The following SGK3 variants were observed in gnomAD, a reference collection of about 807,000 sequenced individuals.
SGK3 encodes serine/threonine-protein kinase Sgk3.
Under a neutral mutation model 68.5 loss-of-function variants are expected in SGK3, and 47 were observed. The observed-to-expected ratio is 0.69, with a 90% CI of 0.54 to 0.87. SGK3 has a LOEUF of 0.87. Among genes scored for constraint, SGK3 ranks in the 40% least tolerant of loss-of-function variants. SGK3 has a pLI of 0.00. For synonymous variants in SGK3, 181 were observed against 189.1 expected (o/e 0.96, Z 0.35); for missense variants, 479 against 575.5 (o/e 0.83, Z 1.72).
At chr8:66,807,981 GA>G (rs967567718) in intron 4 of SGK3, among the ~76,000 whole-genome samples, 1 of 150,956 alleles carries the variant, frequency 6.6e-6, no homozygotes, top group Non-Finnish European at 1.5e-5. Flanking sequence ...CCATTAAATG[GA>G]AAAAAAAATC....
At chr8:66,731,338 C>T (rs1041061228) in intron 1 of SGK3, among the ~76,000 whole-genome samples, 6 of 152,114 alleles carry the variant, frequency 3.9e-5, no homozygotes, top group African/African-American at 1.4e-4. Context: ...TGTTGATCTT[C>T]TGTCTAGTTA....
intron 1 of SGK3, among the ~76,000 whole-genome samples, chr8:66,728,462 G>A (rs1040044850): frequency 2.6e-5 from 4 of 151,982 alleles, no homozygotes; most frequent in Admixed American, 6.6e-5. Context: ...AAGTCACTGG[G>A]ATTATAGGTA....
At chr8:66,796,824 C>G (rs1213498116) in intron 2 of SGK3, among the ~76,000 whole-genome samples, 1 of 151,900 alleles carries the variant, frequency 6.6e-6, no homozygotes, top group Non-Finnish European at 1.5e-5. Flanking sequence ...AAGGAACTTT[C>G]ATTATACAGG....
In SGK3 at chr8:66,806,768, C is replaced by T. The variant is rs555464857; in HGVS notation, c.253+2321C>T. On this transcript the variant is annotated intron_variant, in intron 4 of 16. Transcript: ENST00000521198. ...TCGGAGGTTGCAGGTGAGCCAAGAT[C>T]GCACCATTGCACTCCAGCCTGGGCA... 7.4e-5 allele frequency among the ~76,000 whole-genome samples: 11 copies of T among 149,012 alleles called. No homozygotes were observed. In the South Asian group the frequency reaches 8.4e-4, roughly 11 times the overall value.
chr8:66,747,075 T>G (rs969073299), intron 1 of SGK3, among the ~76,000 whole-genome samples: 52 of 146,450 alleles, frequency 3.6e-4, no homozygotes, highest in Middle Eastern at 3.4e-3. Flanking sequence ...AAAAAAAGGG[T>G]TTTTTTTCCC....
chr8:66,817,396 A>G (rs1435156628), intron 5 of SGK3, among the ~76,000 whole-genome samples: 1 of 151,296 alleles, frequency 6.6e-6, no homozygotes, highest in Non-Finnish European at 1.5e-5. Context: ...GTGCCACTGC[A>G]CTCCAGCCTG....
chr8:66,742,359 A>G (rs921933157), intron 1 of SGK3, among the ~76,000 whole-genome samples: 1 of 152,034 alleles, frequency 6.6e-6, no homozygotes, highest in African/African-American at 2.4e-5. Context: ...ATATTTCTCC[A>G]TTAATTTTTT....
At chr8:66,751,483 T>G (rs1339352260) in intron 1 of SGK3, among the ~76,000 whole-genome samples, 1 of 152,164 alleles carries the variant, frequency 6.6e-6, no homozygotes, top group East Asian at 1.9e-4. Context: ...AAGTACTTTT[T>G]TAATATCATG....
intron 2 of SGK3, among the ~76,000 whole-genome samples, chr8:66,797,649 T>G (rs894008398): frequency 1.3e-5 from 2 of 152,236 alleles, no homozygotes; most frequent in South Asian, 2.1e-4. Flanking sequence ...GGATAAATTC[T>G]TATTAATAGT....
chr8:66,819,268 G>T (rs1410429919), intron 5 of SGK3, among the ~76,000 whole-genome samples: 1 of 152,124 alleles, frequency 6.6e-6, no homozygotes, highest in Non-Finnish European at 1.5e-5. Context: ...TTCATATACT[G>T]CTAGAAGAGT....
chr8:66,829,702 C>A (rs959279971), intron 7 of SGK3, among the ~76,000 whole-genome samples: 27 of 152,084 alleles, frequency 1.8e-4, no homozygotes, highest in Non-Finnish European at 3.1e-4. Flanking sequence ...CACAAGAGAA[C>A]TAGAGGAGAG....
At chr8:66,842,202 ATTTCTTTTCTT>A (rs1809823331) in intron 13 of SGK3, among the ~76,000 whole-genome samples, 1 of 146,022 alleles carries the variant, frequency 6.8e-6, no homozygotes, top group South Asian at 2.1e-4. Flanking sequence ...ATATTTTGCC[ATTTCTTTTCTT>A]TTTCTTTTCC....
intron 5 of SGK3, among the ~76,000 whole-genome samples, chr8:66,821,673 C>T (rs1422951306): frequency 4.1e-5 from 5 of 122,018 alleles, no homozygotes; most frequent in African/African-American, 9.3e-5. Flanking sequence ...CCACCACGCC[C>T]GGCTATTTTT....
chr8:66,800,995 A>G (rs574643882), intron 3 of SGK3, among the ~76,000 whole-genome samples: 6 of 152,252 alleles, frequency 3.9e-5, no homozygotes, highest in African/African-American at 4.8e-5. Flanking sequence ...CAAAACACCT[A>G]TAATGTTGCT....
Position 66,831,454 on chromosome 8 carries a change from C to T in SGK3, c.525+143C>T. The T allele has an allele frequency of 9.4e-6, 9 of 962,042 alleles. No individual in the cohort carries two copies. In the South Asian group the frequency reaches 1.4e-4, roughly 15 times the overall value. The allele number at this position is 962,042 out of a possible 1,614,324, so 59.6% of individuals were successfully genotyped here. ...TCCTGGGCTCAAGCCATCCTCCCAC[C>T]TCAGCCTCCCGAGTAGCTGGGACTA... is the stretch of plus-strand genomic sequence containing the variant. On this transcript the variant is annotated intron_variant, in intron 8 of 16. Transcript: ENST00000521198.
chr8:66,817,600 C>T (rs946690442), intron 5 of SGK3, among the ~76,000 whole-genome samples: 1 of 151,932 alleles, frequency 6.6e-6, no homozygotes, highest in Admixed American at 6.6e-5. Flanking sequence ...TTATCTCCCC[C>T]CTCGGCCTCC....
At position 66,843,528 on chromosome 8, in the gene SGK3, A is replaced by T. The variant is rs1327261422; in HGVS notation, c.1055A>T (p.Tyr352Phe). Residue 352 changes from tyrosine to phenylalanine, a missense_variant, in exon 14 of 17, where the codon TAT (tyrosine) becomes TTT (phenylalanine). By Grantham distance (22) the Tyr-to-Phe change is conservative. Around this residue, in one of 3 missense-constraint regions of SGK3, gnomAD observed 173 missense variants for 214.3 expected, o/e 0.81. Coordinates refer to ENST00000521198, the MANE Select transcript of SGK3 (RefSeq NM_001033578.3). The part of the protein sequence containing the change: ...VDWWCLGAVL[Y>F]EMLYGLPPFY... ...TGGTGGTGCCTTGGGGCTGTTCTGT[A>T]TGAAATGCTGTATGGATTGGTATGT... 1.9e-6 allele frequency: 3 copies of T among 1,613,998 alleles called. No homozygotes were observed. Among genetic ancestry groups the T allele is most frequent in the Non-Finnish European group, 2.5e-6 (3 of 1,179,976 alleles).
At chr8:66,772,318 G>T (rs1806536287) in intron 1 of SGK3, among the ~76,000 whole-genome samples, 1 of 150,384 alleles carries the variant, frequency 6.6e-6, no homozygotes. Flanking sequence ...GAACACCAAG[G>T]CTCAAGAAAT....
chr8:66,734,156 C>T (rs1025304681), intron 1 of SGK3, among the ~76,000 whole-genome samples: 4 of 150,246 alleles, frequency 2.7e-5, no homozygotes, highest in Admixed American at 2.7e-4. Flanking sequence ...GTATTACTTT[C>T]TGGATCTGTG....
Sources: gnomAD v4.1 joint callset for allele counts (sites outside exome capture counted in the v4.1 genomes callset) on GRCh38, gnomAD v4.1.1 for gene constraint, gnomAD v4.1.1 regional missense constraint, MANE v1.5 for transcripts, NCBI Gene and HGNC (gene_info 2026-07-23, HGNC 2026-07-21) for gene names.